The following PTPN4 variants were observed in gnomAD, a reference collection of about 807,000 sequenced individuals.
PTPN4 encodes protein tyrosine phosphatase non-receptor type 4, also known as tyrosine-protein phosphatase non-receptor type 4.
PTPN4 carries 49 observed loss-of-function variants against 135.5 expected under a neutral mutation model. The observed-to-expected ratio is 0.36, with a 90% CI of 0.29 to 0.46. The LOEUF (loss-of-function observed/expected upper bound fraction) is 0.46, where lower values mean the gene tolerates loss of function less well. Ranked by LOEUF, PTPN4 falls within the 20% of genes least tolerant of loss-of-function variation. The pLI is 1.00. For synonymous variants in PTPN4, 333 were observed against 369.9 expected, an observed-to-expected ratio of 0.90 and a Z score of 1.14; for missense variants, 860 against 1,101.0, an observed-to-expected ratio of 0.78 and a Z score of 3.10.
At chr2:119,873,183 TTG>T (rs1574381105) in intron 3 of PTPN4, among the ~76,000 whole-genome samples, 1 of 151,112 alleles carries the variant, frequency 6.6e-6, no homozygotes, top group East Asian at 2.0e-4. Flanking sequence ...TTTTTTTTTG[TTG>T]TTGTTGTTGT....
intron 1 of PTPN4, among the ~76,000 whole-genome samples, chr2:119,800,780 A>G (rs1388938645): frequency 6.6e-6 from 1 of 151,978 alleles, no homozygotes; most frequent in Non-Finnish European, 1.5e-5. Flanking sequence ...CATTTTGTGT[A>G]TGGATTTCTG....
At chr2:119,766,553 T>C (rs1190452154) in intron 1 of PTPN4, among the ~76,000 whole-genome samples, 3 of 151,398 alleles carry the variant, frequency 2.0e-5, no homozygotes, top group Non-Finnish European at 4.4e-5. Flanking sequence ...GCCCTAAACA[T>C]GCATTTAGTC....
chr2:119,887,420 A>G lies in PTPN4; in HGVS notation c.675+1538A>G, dbSNP rs148644067. On this transcript the variant is annotated intron_variant, in intron 9 of 26. Transcript: ENST00000263708. ...GAGGATCAGCTGAGCCCAGGAGTCT[A>G]AGGCTTCTGTAAGCTATGATCATGC... 4.7e-3 allele frequency among the ~76,000 whole-genome samples: 721 copies of G among 152,246 alleles called. 7 individuals carry two copies. The highest frequency in any genetic ancestry group is 0.017 in the African/African-American group (699 of 41,552).
intron 2 of PTPN4, among the ~76,000 whole-genome samples, chr2:119,814,346 G>A (rs562426738): frequency 1.3e-5 from 2 of 152,256 alleles, no homozygotes; most frequent in South Asian, 4.1e-4. Flanking sequence ...TGATGCTCCT[G>A]ATTCCAGAGT....
In PTPN4 at chr2:119,960,795, T is replaced by G. The variant is rs1558775798; in HGVS notation, c.2134-12T>G. ...TGCAAAACATTTTATTTTCATGCCC[T>G]TTTCTTTTTAGATGGAAATTCCTTC... On this transcript the variant is annotated splice_polypyrimidine_tract_variant and intron_variant, in intron 22 of 26. Coordinates refer to ENST00000263708, the MANE Select transcript of PTPN4 (RefSeq NM_002830.4). The G allele has an allele frequency of 6.2e-7, 1 of 1,603,342 alleles. No homozygotes were observed. The highest frequency in any genetic ancestry group is 8.5e-7 in the Non-Finnish European group (1 of 1,177,072).
At chr2:119,927,842 A>G (rs989244515) in intron 13 of PTPN4, among the ~76,000 whole-genome samples, 1 of 152,178 alleles carries the variant, frequency 6.6e-6, no homozygotes, top group Non-Finnish European at 1.5e-5. Context: ...GTCTTTATCT[A>G]AGAGACCTTC....
chr2:119,851,598 TG>T (rs1558744959), intron 2 of PTPN4, among the ~76,000 whole-genome samples: 2 of 152,234 alleles, frequency 1.3e-5, no homozygotes, highest in African/African-American at 4.8e-5. Context: ...CATGCCCATC[TG>T]AGGCTTTCTT....
chr2:119,805,244 A>C (rs1029691876), intron 1 of PTPN4, among the ~76,000 whole-genome samples: 19 of 151,792 alleles, frequency 1.3e-4, no homozygotes, highest in Non-Finnish European at 1.9e-4. Context: ...TTGCCTGTTC[A>C]CTCTGATGGT....
At chr2:119,900,648 T>C in intron 9 of PTPN4, 70 bp from the exon 10 acceptor site, 3 of 988,980 alleles carry the variant, frequency 3.0e-6, no homozygotes, top group Non-Finnish European at 4.4e-6. Context: ...TAGAATCCTA[T>C]TTTTAAAATA....
chr2:119,961,854 A>C (rs1679370755), intron 23 of PTPN4, among the ~76,000 whole-genome samples: 1 of 152,192 alleles, frequency 6.6e-6, no homozygotes, highest in African/African-American at 2.4e-5. Context: ...GACATGAAGT[A>C]GATCAGTGGT....
At chr2:119,908,194 A>G (rs963570621) in intron 10 of PTPN4, among the ~76,000 whole-genome samples, 4 of 152,206 alleles carry the variant, frequency 2.6e-5, no homozygotes, top group African/African-American at 9.6e-5. Context: ...TGCAAATTGT[A>G]CATCCAACAA....
At chr2:119,782,272 A>T (rs948027716) in intron 1 of PTPN4, among the ~76,000 whole-genome samples, 9 of 152,076 alleles carry the variant, frequency 5.9e-5, no homozygotes, top group African/African-American at 2.2e-4. Context: ...CAAAAAAATT[A>T]GCCGGGTGTG....
chr2:119,957,111 GA>G, intron 22 of PTPN4, 34 bp downstream of exon 22: 1 of 1,506,002 alleles, frequency 6.6e-7, no homozygotes, highest in South Asian at 1.3e-5. Context: ...TTGCCATTTG[GA>G]AAAATACGAG....
intron 1 of PTPN4, among the ~76,000 whole-genome samples, chr2:119,796,083 C>A (rs1691253331): frequency 2.0e-5 from 3 of 152,168 alleles, no homozygotes; most frequent in Non-Finnish European, 4.4e-5. Flanking sequence ...TCCTACCCGG[C>A]CATGCGAGGG....
At chr2:119,927,113 CTT>C (rs35553909) in intron 13 of PTPN4, among the ~76,000 whole-genome samples, 17 of 122,846 alleles carry the variant, frequency 1.4e-4, no homozygotes, top group African/African-American at 2.8e-4. Flanking sequence ...AGCCAATTTG[CTT>C]TTTTTTTTTT....
chr2:119,884,627 T>C (rs1678128799), intron 8 of PTPN4, among the ~76,000 whole-genome samples: 1 of 152,202 alleles, frequency 6.6e-6, no homozygotes, highest in South Asian at 2.1e-4. Flanking sequence ...ATAAGCCAGA[T>C]TTTTTTAAAT....
At chr2:119,834,163 A>G (rs990534548) in intron 2 of PTPN4, among the ~76,000 whole-genome samples, 8 of 152,190 alleles carry the variant, frequency 5.3e-5, no homozygotes, top group Non-Finnish European at 1.2e-4. Context: ...TATCATTTCT[A>G]TGTGCTGGGA....
intron 3 of PTPN4, among the ~76,000 whole-genome samples, chr2:119,865,316 T>TTA (rs1361819005): frequency 1.3e-5 from 2 of 152,124 alleles, no homozygotes; most frequent in East Asian, 3.8e-4. Context: ...GGAGTATCAT[T>TTA]TATAAAACAT....
intron 11 of PTPN4, chr2:119,915,944 A>C (rs1247269983): frequency 6.6e-6 from 1 of 152,060 alleles, no homozygotes; most frequent in African/African-American, 2.4e-5. Flanking sequence ...TAATCCCAGC[A>C]CTTTGAGAGG....
Sources: gnomAD v4.1 joint callset for allele counts (sites outside exome capture counted in the v4.1 genomes callset) on GRCh38, gnomAD v4.1.1 for gene constraint, MANE v1.5 for transcripts, NCBI Gene and HGNC (gene_info 2026-07-23, HGNC 2026-07-21) for gene names.